Variants in TNFSF4 observed in about 807,000 individuals in gnomAD.
The protein encoded by TNFSF4 is TNF superfamily member 4, also known as tumor necrosis factor ligand superfamily member 4.
Under a neutral mutation model 7.3 loss-of-function variants are expected in TNFSF4, and 4 were observed. The ratio of observed to expected loss-of-function variants is 0.55; its 90% CI spans 0.27 to 1.25. The LOEUF (loss-of-function observed/expected upper bound fraction) is 1.25, where lower values mean the gene tolerates loss of function less well. TNFSF4 is among the 50% of genes most tolerant of loss of function. TNFSF4 has a pLI of 0.12. For synonymous variants in TNFSF4, 76 were observed against 83.7 expected, an observed-to-expected ratio of 0.91 and a Z score of 0.50; for missense variants, 181 against 208.8, an observed-to-expected ratio of 0.87 and a Z score of 0.82.
intron 1 of TNFSF4, among the ~76,000 whole-genome samples, chr1:173,204,068 T>TATAACTTAA (rs1650064532): frequency 6.6e-6 from 1 of 152,252 alleles, no homozygotes; most frequent in African/African-American, 2.4e-5. Flanking sequence ...TATTTAGATA[T>TATAACTTAA]GTACAGAATA....
At chr1:173,420,519 T>G in the TNFSF4 span, among the ~76,000 whole-genome samples, 1 of 150,558 alleles carries the variant, frequency 6.6e-6, no homozygotes, top group African/African-American at 2.5e-5. Context: ...TTAAAGAATA[T>G]GGCCACCAGG....
upstream of TNFSF4, among the ~76,000 whole-genome samples, chr1:173,208,237 G>A (rs1408689221): frequency 6.6e-6 from 1 of 152,158 alleles, no homozygotes; most frequent in Non-Finnish European, 1.5e-5. Flanking sequence ...AATATTTACT[G>A]AGTACATCAC....
chr1:173,385,581 T>C, the TNFSF4 span, among the ~76,000 whole-genome samples: 1 of 152,276 alleles, frequency 6.6e-6, no homozygotes, highest in Non-Finnish European at 1.5e-5. Flanking sequence ...GTTACGCCTG[T>C]AATCCCAGCA....
the TNFSF4 span, among the ~76,000 whole-genome samples, chr1:173,263,769 C>T: frequency 6.6e-6 from 1 of 152,126 alleles, no homozygotes; most frequent in Non-Finnish European, 1.5e-5. Context: ...TGGGATTAAC[C>T]ACTGAGTGTA....
intron 1 of TNFSF4, among the ~76,000 whole-genome samples, chr1:173,190,797 A>C (rs1009538820): frequency 2.0e-5 from 3 of 152,228 alleles, no homozygotes; most frequent in Non-Finnish European, 4.4e-5. Context: ...GGAGTAGCAC[A>C]AACAGCACAG....
At chr1:173,375,572 T>C in the TNFSF4 span, among the ~76,000 whole-genome samples, 1 of 151,714 alleles carries the variant, frequency 6.6e-6, no homozygotes, top group Admixed American at 6.6e-5. Context: ...AGCAAGGGGA[T>C]TGTAAAATGC....
the TNFSF4 span, among the ~76,000 whole-genome samples, chr1:173,219,939 G>T: frequency 2.0e-5 from 3 of 152,004 alleles, no homozygotes; most frequent in Non-Finnish European, 4.4e-5. Flanking sequence ...TAAACATTGG[G>T]TACAGCGTAC....
chr1:173,284,560 A>C, the TNFSF4 span, among the ~76,000 whole-genome samples: 1 of 152,206 alleles, frequency 6.6e-6, no homozygotes, highest in African/African-American at 2.4e-5. Context: ...AGAGAGGAGA[A>C]GTCAGTGTCT....
the TNFSF4 span, among the ~76,000 whole-genome samples, chr1:173,410,631 C>T: frequency 1.3e-5 from 2 of 152,106 alleles, no homozygotes; most frequent in African/African-American, 4.8e-5. Flanking sequence ...CCAGTGGTAC[C>T]TTAATAGTTG....
chr1:173,264,939 A>G, the TNFSF4 span, among the ~76,000 whole-genome samples: 1 of 152,204 alleles, frequency 6.6e-6, no homozygotes, highest in Non-Finnish European at 1.5e-5. Flanking sequence ...TGCCCACTCT[A>G]CAGTAAATTT....
the TNFSF4 span, among the ~76,000 whole-genome samples, chr1:173,385,569 G>C: frequency 6.6e-6 from 1 of 152,240 alleles, no homozygotes; most frequent in African/African-American, 2.4e-5. Flanking sequence ...TAGAGATTTT[G>C]TGTTACGCCT....
the TNFSF4 span, among the ~76,000 whole-genome samples, chr1:173,302,862 C>T: frequency 2.6e-5 from 4 of 151,478 alleles, no homozygotes; most frequent in African/African-American, 4.8e-5. Flanking sequence ...CCACTGATGA[C>T]GTTATAAAAG....
At chr1:173,407,121 G>A in the TNFSF4 span, among the ~76,000 whole-genome samples, 2 of 152,054 alleles carry the variant, frequency 1.3e-5, no homozygotes, top group Non-Finnish European at 2.9e-5. Context: ...AGTGGCCACT[G>A]GGGAGGCAGG....
chr1:173,360,061 C>T, the TNFSF4 span, among the ~76,000 whole-genome samples: 48 of 152,256 alleles, frequency 3.2e-4, 1 homozygote, highest in Non-Finnish European at 8.8e-5. Context: ...GCCACACAGG[C>T]CAGCAGCCAT....
the TNFSF4 span, among the ~76,000 whole-genome samples, chr1:173,391,069 A>C: frequency 1.3e-5 from 2 of 152,054 alleles, no homozygotes; most frequent in South Asian, 4.1e-4. Flanking sequence ...TTTTATGAAA[A>C]ACTATAAATT....
At chr1:173,207,890 G>A (rs1308971395), upstream of TNFSF4, among the ~76,000 whole-genome samples, 1 of 152,136 alleles carries the variant, frequency 6.6e-6, no homozygotes, top group Admixed American at 6.5e-5. Flanking sequence ...TGTGTTAGAT[G>A]GACTTGCAAT....
the TNFSF4 span, among the ~76,000 whole-genome samples, chr1:173,235,368 A>G: frequency 6.6e-6 from 1 of 152,336 alleles, no homozygotes; most frequent in South Asian, 2.1e-4. Context: ...CCAGGCCACC[A>G]CACATGAGCT....
chr1:173,426,790 C>T, the TNFSF4 span, among the ~76,000 whole-genome samples: 2 of 152,016 alleles, frequency 1.3e-5, no homozygotes, highest in Non-Finnish European at 2.9e-5. Context: ...GACAAGGTCT[C>T]GCTATGTTGC....
chr1:173,347,518 C>T, the TNFSF4 span, among the ~76,000 whole-genome samples: 4 of 152,228 alleles, frequency 2.6e-5, no homozygotes, highest in African/African-American at 9.6e-5. Flanking sequence ...AGTATTAACT[C>T]ATTCAACATT....
Sources: allele counts gnomAD v4.1 joint callset (sites outside exome capture counted in the v4.1 genomes callset), GRCh38; gene constraint gnomAD v4.1.1; transcripts MANE v1.5; gene names NCBI Gene and HGNC (gene_info 2026-07-23, HGNC 2026-07-21).